Variants in MIA2 observed in about 807,000 individuals in gnomAD.
The protein encoded by MIA2 is melanoma inhibitory activity protein 2.
In MIA2, 127 loss-of-function variants were observed where a neutral mutation model predicts 167.8. The ratio of observed to expected loss-of-function variants is 0.76; its 90% CI spans 0.66 to 0.88. The LOEUF is 0.88. Ranked by LOEUF, MIA2 falls within the 40% of genes least tolerant of loss-of-function variation. MIA2 has a pLI of 0.00. For synonymous variants in MIA2, 552 were observed against 541.9 expected (o/e 1.02, Z -0.26); for missense variants, 1,690 against 1,624.7 (o/e 1.04, Z -0.69).
intron 18 of MIA2, among the ~76,000 whole-genome samples, chr14:39,311,625 G>A (rs1236619234): frequency 2.6e-5 from 4 of 151,388 alleles, no homozygotes; most frequent in Admixed American, 2.6e-4. Context: ...CTACAGGCGT[G>A]CGCCACCACT....
chr14:39,380,041 A>C (rs79310521), intron 23 of MIA2, among the ~76,000 whole-genome samples: 2 of 152,210 alleles, frequency 1.3e-5, no homozygotes, highest in Admixed American at 1.3e-4. Flanking sequence ...AATAGAAGGA[A>C]TATGTCCTGA....
chr14:39,355,229 T>A (rs1217697852), downstream of MIA2, among the ~76,000 whole-genome samples: 4 of 152,178 alleles, frequency 2.6e-5, no homozygotes, highest in Non-Finnish European at 4.4e-5. Flanking sequence ...CTCTTTTATT[T>A]CATTGAGCAG....
At chr14:39,265,559 T>A in intron 6 of MIA2, 1 of 628,586 alleles carries the variant, frequency 1.6e-6, no homozygotes, top group Non-Finnish European at 2.7e-6. Flanking sequence ...CTGTCCTTAA[T>A]ATTTTTAATA....
chr14:39,308,813 T>G (rs2063758530), intron 18 of MIA2, among the ~76,000 whole-genome samples: 2 of 152,224 alleles, frequency 1.3e-5, no homozygotes, highest in Non-Finnish European at 2.9e-5. Flanking sequence ...GAATCCTCTT[T>G]AGCTCCTAGT....
chr14:39,305,776 A>C (rs1313526630), intron 17 of MIA2, among the ~76,000 whole-genome samples: 1 of 152,086 alleles, frequency 6.6e-6, no homozygotes, highest in African/African-American at 2.4e-5. Flanking sequence ...TCTCTACTAA[A>C]AATACGAAAA....
intron 23 of MIA2, among the ~76,000 whole-genome samples, chr14:39,319,661 T>G (rs2066072423): frequency 6.6e-6 from 1 of 152,100 alleles, no homozygotes; most frequent in Non-Finnish European, 1.5e-5. Context: ...TGTTTATATA[T>G]TAACTATACT....
exon 24 of MIA2, chr14:39,387,357 A>G (rs2075286626): frequency 6.2e-6 from 1 of 162,086 alleles, no homozygotes; most frequent in Non-Finnish European, 1.3e-5. Flanking sequence ...CATGGAATCC[A>G]TGGAATGATT....
intron 23 of MIA2, among the ~76,000 whole-genome samples, chr14:39,372,529 A>G (rs928058043): frequency 2.6e-5 from 4 of 152,226 alleles, no homozygotes; most frequent in African/African-American, 7.2e-5. Flanking sequence ...TGTTCTGGGT[A>G]CCATATGTTA....
chr14:39,286,726 C>T (rs1184314875), intron 9 of MIA2, among the ~76,000 whole-genome samples: 1 of 140,924 alleles, frequency 7.1e-6, no homozygotes. Context: ...CAGGCTCTCA[C>T]TCTGTTGCCC....
At chr14:39,291,166 G>T in intron 10 of MIA2, 70 bp downstream of exon 10, 1 of 1,350,194 alleles carries the variant, frequency 7.4e-7, no homozygotes, top group Non-Finnish European at 1.0e-6. Context: ...CTTTAAAAAT[G>T]TATCTTCTGA....
At position 39,240,572 on chromosome 14, in the gene MIA2, G is replaced by A. The variant is rs760685665; in HGVS notation, c.261G>A (p.Glu87=). Residue 87 remains glutamate, a synonymous_variant, in exon 3 of 29, where the codon GAG becomes GAA. Transcript: ENST00000640607. ...EDLWAGSKGK[E]FGYFPRDAVQ... ...CTTCATTTTGACAGAAAGGAAAGGAGTTTGGATATTTTCCCAGAGATGCAG... is the reference window on the plus strand; with the variant it reads ...CTTCATTTTGACAGAAAGGAAAGGAATTTGGATATTTTCCCAGAGATGCAG... 3 of 1,610,904 alleles carry A rather than the reference G, an allele frequency of 1.9e-6. No homozygotes were observed. The highest frequency in any genetic ancestry group is 2.2e-5 in the South Asian group (2 of 90,912).
intron 7 of MIA2, 32 bp from the exon 8 acceptor site, chr14:39,279,305 T>G: frequency 6.3e-7 from 1 of 1,578,714 alleles, no homozygotes; most frequent in Middle Eastern, 1.8e-4. Context: ...CGTATTTGTT[T>G]TAATGTAATT....
chr14:39,330,906 C>T (rs2068717491), intron 25 of MIA2, among the ~76,000 whole-genome samples: 1 of 152,070 alleles, frequency 6.6e-6, no homozygotes, highest in Non-Finnish European at 1.5e-5. Flanking sequence ...AGAATAAGTG[C>T]TATGTGGCAC....
chr14:39,300,929 C>CACACACATAT (rs1555378246), intron 14 of MIA2, among the ~76,000 whole-genome samples: 1 of 138,326 alleles, frequency 7.2e-6, no homozygotes, highest in Non-Finnish European at 1.5e-5. Context: ...TATATATATA[C>CACACACATAT]ACACACATAT....
At chr14:39,368,397 C>T (rs1038943648) in intron 23 of MIA2, among the ~76,000 whole-genome samples, 3 of 152,166 alleles carry the variant, frequency 2.0e-5, no homozygotes, top group South Asian at 2.1e-4. Context: ...AGGAATGGCT[C>T]TATTCTGGTT....
At chr14:39,290,817 A>T (rs541722464) in intron 9 of MIA2, among the ~76,000 whole-genome samples, 1 of 152,346 alleles carries the variant, frequency 6.6e-6, no homozygotes, top group East Asian at 1.9e-4. Flanking sequence ...ATTTGTTGCC[A>T]GAGCTAGTGG....
chr14:39,327,102 G>A (rs1409476707), intron 25 of MIA2, 80 bp downstream of exon 25: 2 of 1,102,492 alleles, frequency 1.8e-6, no homozygotes, highest in South Asian at 2.9e-5. Flanking sequence ...GAAGGGAGGA[G>A]TATATGTTTG....
chr14:39,304,641 C>T (rs902873256), intron 17 of MIA2, among the ~76,000 whole-genome samples: 12 of 151,800 alleles, frequency 7.9e-5, no homozygotes, highest in Admixed American at 2.0e-4. Context: ...TATTTATCTT[C>T]GAATTACAGT....
At chr14:39,304,496 A>C (rs2063017952) in intron 17 of MIA2, 115 bp downstream of exon 17, 1 of 552,320 alleles carries the variant, frequency 1.8e-6, no homozygotes. Context: ...ATTTTTTTTT[A>C]ACTTTTGTTC....
Sources: gnomAD v4.1 joint callset for allele counts (sites outside exome capture counted in the v4.1 genomes callset) on GRCh38, gnomAD v4.1.1 for gene constraint, MANE v1.5 for transcripts, NCBI Gene and HGNC (gene_info 2026-07-23, HGNC 2026-07-21) for gene names.